Variants in RHCG observed in about 807,000 individuals in gnomAD.
The protein encoded by RHCG is Rh family C glycoprotein.
Under a neutral mutation model 55.3 loss-of-function variants are expected in RHCG, and 39 were observed. The ratio of observed to expected loss-of-function variants is 0.70; its 90% CI spans 0.55 to 0.92. The LOEUF (loss-of-function observed/expected upper bound fraction) is 0.92. RHCG is among the 40% of genes least tolerant of loss of function. The pLI is 0.00. For synonymous variants in RHCG, 250 were observed against 246.8 expected, an observed-to-expected ratio of 1.01 and a Z score of -0.12; for missense variants, 635 against 627.9, an observed-to-expected ratio of 1.01 and a Z score of -0.12.
At chr15:89,476,008 TCTCG>T (rs1046811508) in intron 9 of RHCG, among the ~76,000 whole-genome samples, 6 of 146,066 alleles carry the variant, frequency 4.1e-5, no homozygotes, top group African/African-American at 1.7e-4. Flanking sequence ...TCTCTCTTGC[TCTCG>T]CTCTCTCTCT....
At chr15:89,475,148 T>G (rs1299692705) in intron 9 of RHCG, among the ~76,000 whole-genome samples, 4 of 121,480 alleles carry the variant, frequency 3.3e-5, no homozygotes, top group East Asian at 2.5e-4. Flanking sequence ...CTTCCTTCAT[T>G]CCTTCCTTCC....
intron 2 of RHCG, among the ~76,000 whole-genome samples, chr15:89,484,770 A>G (rs1178685164): frequency 7.4e-6 from 1 of 135,996 alleles, no homozygotes; most frequent in East Asian, 2.1e-4. Context: ...ATAGAGCAAA[A>G]CTCAGTCTCA....
intron 9 of RHCG, 63 bp downstream of exon 9, chr15:89,476,692 G>A (rs1028903821): frequency 4.4e-5 from 61 of 1,381,528 alleles, no homozygotes; most frequent in Non-Finnish European, 4.6e-5. Context: ...CCCAGCTGAT[G>A]CAGTGGAGGC....
chr15:89,479,400 G>C lies in RHCG; in HGVS notation c.759C>G (p.Thr253=). 2 of 1,614,226 alleles carry C rather than the reference G, an allele frequency of 1.2e-6. No individual in the cohort carries two copies. The highest frequency in any genetic ancestry group is 1.7e-6 in the Non-Finnish European group (2 of 1,180,052). The change falls in exon 5 of 11, where the codon ACC becomes ACG. Residue 253 remains threonine, a synonymous_variant. Transcript: ENST00000268122. The part of the protein sequence containing the change: ...GDSQHRAAIN[T]YCSLAACVLT... ...GCACGCAGGCTGCCAAGGAGCAGTA[G>C]GTGTTGATGGCGGCTCGGTGCTGGC... is the stretch of plus-strand genomic sequence containing the variant.
At chr15:89,491,540 G>T (rs1407461671) in intron 1 of RHCG, among the ~76,000 whole-genome samples, 1 of 152,216 alleles carries the variant, frequency 6.6e-6, no homozygotes, top group Non-Finnish European at 1.5e-5. Flanking sequence ...GCCAAGGCAG[G>T]TGGTTCACTT....
chr15:89,488,233 CAAAT>C (rs1961408938), intron 1 of RHCG, among the ~76,000 whole-genome samples: 1 of 152,088 alleles, frequency 6.6e-6, no homozygotes, highest in South Asian at 2.1e-4. Flanking sequence ...AGTTGGTAAA[CAAAT>C]AAATGAGGTA....
intron 9 of RHCG, 31 bp downstream of exon 9, chr15:89,476,724 T>TC: frequency 1.9e-6 from 3 of 1,595,056 alleles, no homozygotes; most frequent in Non-Finnish European, 2.6e-6. Context: ...GCAGCTGCCC[T>TC]CCTTCAGGGG....
chr15:89,491,493 G>A (rs1202960668), intron 1 of RHCG, among the ~76,000 whole-genome samples: 2 of 152,172 alleles, frequency 1.3e-5, no homozygotes, highest in East Asian at 1.9e-4. Context: ...TAGGCTGGGC[G>A]TGGTGGCTCA....
At chr15:89,492,823 T>G (rs945233259) in intron 1 of RHCG, among the ~76,000 whole-genome samples, 4 of 152,312 alleles carry the variant, frequency 2.6e-5, no homozygotes, top group South Asian at 2.1e-4. Context: ...TGCTGATACT[T>G]ACACACCTTC....
rs774427886 is a variant in RHCG, at chr15:89,480,283, C to A, written c.648G>T (p.Gln216His). 6.2e-7 allele frequency: 1 copy of A among 1,614,168 alleles called. No homozygotes were observed. The highest frequency in any genetic ancestry group is 1.1e-5 in the South Asian group (1 of 91,078). The change falls in exon 4 of 11, where the codon CAG (glutamine) becomes CAT (histidine). Residue 216 changes from glutamine (Q) to histidine (H), a missense_variant. Transcript: ENST00000268122. ...QSKERQNSVY[Q>H]SDLFAMIGTL... ...CACCAATCATGGCAAAGAGGTCCGA[C>A]TGGTACACAGAATTCTGTCTCTCCT...
intron 1 of RHCG, 125 bp downstream of exon 1, chr15:89,496,236 G>T: frequency 2.2e-6 from 2 of 922,430 alleles, no homozygotes; most frequent in Non-Finnish European, 3.4e-6. Context: ...GCAGAGGCCG[G>T]CGAGATGCGG....
chr15:89,472,769 A>G lies in RHCG; in HGVS notation c.1406T>C (p.Leu469Pro), dbSNP rs1350237287. ...SVPSVPMVSPLPMASSVPLVP is the reference protein window; with the variant it reads ...SVPSVPMVSPPPMASSVPLVP ...CAAGGGTACCGAGGAAGCCATGGGT[A>G]GTGGGGACACCATGGGTACTGAGGG... The change falls in exon 10 of 11, where the codon CTA becomes CCA. Residue 469 changes from leucine (L) to proline (P), a missense_variant. Coordinates refer to ENST00000268122, the MANE Select transcript of RHCG (RefSeq NM_016321.3). 2 of 1,589,110 alleles carry G rather than the reference A, an allele frequency of 1.3e-6. No individual in the cohort carries two copies. Among genetic ancestry groups the G allele is most frequent in the South Asian group, 2.3e-5 (2 of 87,340 alleles).
At chr15:89,490,289 A>G (rs149050763) in intron 1 of RHCG, among the ~76,000 whole-genome samples, 1,063 of 152,350 alleles carry the variant, frequency 7.0e-3, no homozygotes, top group Non-Finnish European at 0.011. Context: ...CCCCTCAGCT[A>G]GCAGCTACCT....
chr15:89,486,449 C>G, intron 2 of RHCG: 3 of 462,024 alleles, frequency 6.5e-6, no homozygotes, highest in South Asian at 4.6e-5. Flanking sequence ...AGTCTAGCCT[C>G]AAGTCCCTGC....
intron 1 of RHCG, among the ~76,000 whole-genome samples, chr15:89,490,377 G>C (rs889741607): frequency 1.3e-5 from 2 of 152,244 alleles, no homozygotes; most frequent in African/African-American, 2.4e-5. Flanking sequence ...TCCTGCCCCA[G>C]GGTGGTGCTC....
chr15:89,484,663 C>G (rs1026256045), intron 2 of RHCG, among the ~76,000 whole-genome samples: 24 of 151,824 alleles, frequency 1.6e-4, no homozygotes, highest in African/African-American at 5.6e-4. Context: ...ACCTGTAATC[C>G]TAGCTACTCA....
At chr15:89,475,475 AC>A (rs1464854523) in intron 9 of RHCG, among the ~76,000 whole-genome samples, 1 of 151,988 alleles carries the variant, frequency 6.6e-6, no homozygotes, top group African/African-American at 2.4e-5. Context: ...CGAACTCCTG[AC>A]CTCAGGTGAT....
chr15:89,480,309 T>C lies in RHCG; in HGVS notation c.622A>G (p.Lys208Glu). 1 of 1,614,188 alleles carries C rather than the reference T, an allele frequency of 6.2e-7. No homozygotes were observed. Among genetic ancestry groups the C allele is most frequent in the South Asian group, 1.1e-5 (1 of 91,080 alleles). The change falls in exon 4 of 11, where the codon AAG becomes GAG. Residue 208 changes from lysine to glutamate, a missense_variant. By Grantham distance (56) the Lys-to-Glu change is moderately conservative. Coordinates refer to ENST00000268122, the MANE Select transcript of RHCG (RefSeq NM_016321.3). ...TGGTACACAGAATTCTGTCTCTCCT[T>C]GCTCTGCTCTAGGTTGCGTCGGTAG... Reference protein sequence around the residue: ...ILYRRNLEQSKERQNSVYQSD... With the variant: ...ILYRRNLEQSEERQNSVYQSD...
At position 89,477,150 on chromosome 15, in the gene RHCG, T is replaced by C. The variant is rs1961166229; in HGVS notation, c.1169A>G (p.Gln390Arg). ...GFNGDWTARTQGKFQIYGLLV... is the reference protein window; with the variant it reads ...GFNGDWTARTRGKFQIYGLLV... ...GAGACCATAAATCTGGAACTTTCCC[T>C]GTGTTCTTGCGGTCCAGTCCCCGTT... Residue 390 changes from glutamine (Q) to arginine (R), a missense_variant, in exon 8 of 11, where the codon CAG (glutamine) becomes CGG (arginine). Physicochemically the swap from Gln to Arg is conservative, Grantham distance 43 (BLOSUM62 1). Coordinates refer to ENST00000268122, the MANE Select transcript of RHCG (RefSeq NM_016321.3). The surrounding 1 kb of genome is among the most constrained non-coding windows in gnomAD (Gnocchi z 4.5). 2 of 1,614,052 alleles carry C rather than the reference T, an allele frequency of 1.2e-6. No individual in the cohort carries two copies. The highest frequency in any genetic ancestry group is 1.7e-6 in the Non-Finnish European group (2 of 1,180,010).
Sources: gnomAD v4.1 joint callset for allele counts (sites outside exome capture counted in the v4.1 genomes callset) on GRCh38, gnomAD v4.1.1 for gene constraint, Gnocchi (gnomAD v3.1) non-coding constraint, MANE v1.5 for transcripts, NCBI Gene and HGNC (gene_info 2026-07-23, HGNC 2026-07-21) for gene names.